Variants in PXDNL observed in about 807,000 individuals in gnomAD.
PXDNL encodes peroxidasin like, also known as probable oxidoreductase PXDNL.
In PXDNL, 145 loss-of-function variants were observed where a neutral mutation model predicts 150.8. The ratio of observed to expected loss-of-function variants is 0.96; its 90% CI spans 0.84 to 1.10. The LOEUF (loss-of-function observed/expected upper bound fraction) is 1.10, where lower values mean the gene tolerates loss of function less well. PXDNL is among the 50% of genes least tolerant of loss of function. PXDNL has a pLI of 0.00. For synonymous variants in PXDNL, 757 were observed against 725.7 expected (o/e 1.04, Z -0.69); for missense variants, 2,087 against 1,873.9 (o/e 1.11, Z -2.10).
In PXDNL at chr8:51,402,911, A is replaced by G. The variant is rs1455171553; in HGVS notation, c.3557+5156T>C. 4.1e-3 allele frequency among the ~76,000 whole-genome samples: 133 copies of G among 32,060 alleles called. 1 individual carries two copies. The highest frequency in any genetic ancestry group is 0.016 in the Non-Finnish European group (105 of 6,594). 21.0% of individuals were successfully genotyped at this position (32,060 alleles called of 152,430 possible). A position where few individuals can be genotyped will look rare whatever the true frequency, so the allele number is the denominator to read the frequency against. On this transcript the variant is annotated intron_variant, in intron 17 of 22. Transcript: ENST00000356297. ...CCCCGTCTCTACTAAAAATACACAC[A>G]CACACACACACACACACACACACAC...
intron 1 of PXDNL, among the ~76,000 whole-genome samples, chr8:51,743,568 G>A (rs1309605720): frequency 6.6e-6 from 1 of 152,110 alleles, no homozygotes; most frequent in Non-Finnish European, 1.5e-5. Flanking sequence ...TTTTAGTAGA[G>A]TTGGGGTCTT....
chr8:51,778,172 A>G (rs922050686), intron 1 of PXDNL, among the ~76,000 whole-genome samples: 1 of 151,864 alleles, frequency 6.6e-6, no homozygotes, highest in Non-Finnish European at 1.5e-5. Context: ...CCTACTAAAA[A>G]TGAAGCTGAG....
intron 2 of PXDNL, among the ~76,000 whole-genome samples, chr8:51,599,737 CTT>C (rs1465539257): frequency 1.4e-5 from 2 of 144,008 alleles, no homozygotes; most frequent in African/African-American, 5.2e-5. Flanking sequence ...TAAATTATAT[CTT>C]ATATAAATGA....
rs570019739 is a variant in PXDNL, at chr8:51,506,893, C to T, written c.381-7123G>A. Among the ~76,000 whole-genome samples, 30 of 152,286 alleles carry T rather than the reference C, an allele frequency of 2.0e-4. No individual in the cohort carries two copies. In the South Asian group the frequency reaches 6.0e-3, roughly 30 times the overall value. On this transcript the variant is annotated intron_variant, in intron 4 of 22. Coordinates refer to ENST00000356297, the MANE Select transcript of PXDNL (RefSeq NM_144651.5). ...CCCCTCCCTCATAAGTCTGAGCACCCTCTAACCAAATTCATTATCTCTGGA... is the reference window on the plus strand; with the variant it reads ...CCCCTCCCTCATAAGTCTGAGCACCTTCTAACCAAATTCATTATCTCTGGA...
At chr8:51,726,261 C>T (rs183268319) in intron 1 of PXDNL, among the ~76,000 whole-genome samples, 3 of 152,198 alleles carry the variant, frequency 2.0e-5, no homozygotes, top group Non-Finnish European at 2.9e-5. Flanking sequence ...CCAGGTAGAG[C>T]GAAGAGCTCT....
intron 10 of PXDNL, among the ~76,000 whole-genome samples, chr8:51,450,659 T>C (rs1373741050): frequency 2.6e-5 from 4 of 152,222 alleles, no homozygotes; most frequent in African/African-American, 4.8e-5. Flanking sequence ...GGACTAAATA[T>C]GGTATAAAAT....
chr8:51,804,441 T>G (rs1411972552), intron 1 of PXDNL, among the ~76,000 whole-genome samples: 1 of 152,186 alleles, frequency 6.6e-6, no homozygotes, highest in Admixed American at 6.5e-5. Flanking sequence ...TCAATTTTTT[T>G]TCTCCTCTTT....
In PXDNL at chr8:51,648,659, C is replaced by A. The variant is rs530687726; in HGVS notation, c.236+6030G>T. On this transcript the variant is annotated intron_variant, in intron 2 of 22. Coordinates refer to ENST00000356297, the MANE Select transcript of PXDNL (RefSeq NM_144651.5). ...CAGCCCTAGAAAATTAATATAACTT[C>A]TTTGCATTCCTTACACTATATTTTA... Among the ~76,000 whole-genome samples, 10 of 152,224 alleles carry A rather than the reference C, an allele frequency of 6.6e-5. No individual in the cohort carries two copies. In the East Asian group the frequency reaches 7.7e-4, roughly 12 times the overall value.
At chr8:51,366,011 C>T (rs530706500) in intron 19 of PXDNL, among the ~76,000 whole-genome samples, 4 of 152,266 alleles carry the variant, frequency 2.6e-5, no homozygotes, top group South Asian at 2.1e-4. Context: ...AAGAAGGTTG[C>T]CCCTACTGTA....
rs1375885496 is a variant in PXDNL at position 51,449,012 on chromosome 8, C to T, written c.1356G>A (p.Trp452Ter). ...CAGATGTTCTAATACCTGTTTTTGT[C>T]CAGACAATAACAGGAGGTGGGTTGC... ...ADGNPPPVIVWTKTGGQLPVE... is the reference protein window; with the variant it reads ...ADGNPPPVIV Residue 452 changes from tryptophan (W) to a stop codon, truncating the protein, a stop_gained, in exon 11 of 23, where the codon TGG becomes TGA. Coordinates refer to ENST00000356297, the MANE Select transcript of PXDNL (RefSeq NM_144651.5). LOFTEE classifies it high-confidence loss of function. 11 of 1,536,112 alleles carry T rather than the reference C, an allele frequency of 7.2e-6. No individual in the cohort carries two copies. The highest frequency in any genetic ancestry group is 7.9e-6 in the Non-Finnish European group (9 of 1,132,858).
At chr8:51,374,791 C>A in intron 17 of PXDNL, 60 bp from the exon 18 acceptor site, 1 of 1,561,276 alleles carries the variant, frequency 6.4e-7, no homozygotes, top group East Asian at 2.3e-5. Context: ...TGAAAATATT[C>A]CTTATGTGAA....
intron 2 of PXDNL, among the ~76,000 whole-genome samples, chr8:51,605,920 GC>G (rs1813830796): frequency 6.6e-6 from 1 of 152,064 alleles, no homozygotes; most frequent in African/African-American, 2.4e-5. Context: ...ACCATGTAAT[GC>G]CCCCTATCAC....
At chr8:51,643,426 A>G (rs1814823053) in intron 2 of PXDNL, among the ~76,000 whole-genome samples, 2 of 152,200 alleles carry the variant, frequency 1.3e-5, no homozygotes, top group African/African-American at 2.4e-5. Context: ...AAACCTGACA[A>G]AAACAAGCAA....
intron 6 of PXDNL, among the ~76,000 whole-genome samples, chr8:51,477,498 T>C (rs1810506545): frequency 6.6e-6 from 1 of 152,244 alleles, no homozygotes; most frequent in Admixed American, 6.5e-5. Context: ...TCCTTGTCAC[T>C]GACTGACTTA....
At chr8:51,781,543 G>C (rs2037415266) in intron 1 of PXDNL, among the ~76,000 whole-genome samples, 2 of 152,150 alleles carry the variant, frequency 1.3e-5, no homozygotes, top group African/African-American at 4.8e-5. Flanking sequence ...TCTTGATATT[G>C]ATTCACTTTA....
At chr8:51,521,512 C>CA (rs1811663927) in intron 4 of PXDNL, among the ~76,000 whole-genome samples, 1 of 151,774 alleles carries the variant, frequency 6.6e-6, no homozygotes, top group Admixed American at 6.6e-5. Flanking sequence ...GGGAAAATGG[C>CA]AAAAGTTGTG....
intron 4 of PXDNL, among the ~76,000 whole-genome samples, chr8:51,504,345 C>T (rs948627642): frequency 6.6e-6 from 1 of 152,098 alleles, no homozygotes; most frequent in Admixed American, 6.5e-5. Flanking sequence ...AATGCCCTTC[C>T]AGTATCCCCT....
chr8:51,647,406 C>T (rs537392030), intron 2 of PXDNL, among the ~76,000 whole-genome samples: 2 of 152,282 alleles, frequency 1.3e-5, no homozygotes, highest in Admixed American at 6.5e-5. Context: ...GGTAATTGTG[C>T]TGCTGAAGCT....
chr8:51,601,841 G>A (rs1043779076), intron 2 of PXDNL, among the ~76,000 whole-genome samples: 1 of 151,468 alleles, frequency 6.6e-6, no homozygotes, highest in Non-Finnish European at 1.5e-5. Flanking sequence ...ACTTAAATGT[G>A]TTTTATGGTA....
Sources: gnomAD v4.1 joint callset for allele counts (sites outside exome capture counted in the v4.1 genomes callset) on GRCh38, gnomAD v4.1.1 for gene constraint, MANE v1.5 for transcripts, NCBI Gene and HGNC (gene_info 2026-07-23, HGNC 2026-07-21) for gene names.